The following CST5 variants were observed in gnomAD, a reference collection of about 807,000 sequenced individuals.
CST5 encodes cystatin D, also known as cystatin-D.
CST5 carries 13 observed loss-of-function variants against 11.5 expected under a neutral mutation model. That is an observed-to-expected ratio of 1.13 (90% CI 0.73 to 1.79). The LOEUF is 1.79. Ranked by LOEUF, CST5 falls within the 40% of genes most tolerant of loss-of-function variation. CST5 has a pLI of 0.00. For synonymous variants in CST5, 81 were observed against 67.6 expected (o/e 1.20, Z -0.97); for missense variants, 219 against 174.5 (o/e 1.25, Z -1.44).
Position 23,879,430 on chromosome 20 carries a change from T to G in CST5, c.231+16A>C. ...CAGCTGGGACTCAGGACCCCCAGGG[T>G]GGTGGTAGCACGCACCTGCTGGTAG... On this transcript the variant is annotated intron_variant, in intron 1 of 2. Transcript: ENST00000304710. 6.2e-7 allele frequency: 1 copy of G among 1,606,382 alleles called. No homozygotes were observed. Among genetic ancestry groups the G allele is most frequent in the Non-Finnish European group, 8.5e-7 (1 of 1,173,924 alleles).
rs780990330 is a variant in CST5, at chr20:23,876,173, G to C, written c.*15C>G. The C allele has an allele frequency of 1.2e-6, 2 of 1,603,340 alleles. No individual in the cohort carries two copies. The highest frequency in any genetic ancestry group is 3.3e-5 in the Admixed American group (2 of 59,974). On this transcript the variant is annotated 3_prime_UTR_variant, in exon 3 of 3. Transcript: ENST00000304710. The stretch of plus-strand genomic sequence containing the variant: ...GAGTAGGAGGTGGTCAGTGTGACAG[G>C]CCTTGCACAGACCCCTAGACTTTCC...
chr20:23,877,386 C>A, intron 2 of CST5, 119 bp downstream of exon 2: 4 of 762,026 alleles, frequency 5.2e-6, no homozygotes, highest in Non-Finnish European at 8.9e-6. Context: ...TGCACACATG[C>A]ACACATGCCC....
chr20:23,877,820 G>A (rs1985997814), intron 1 of CST5, among the ~76,000 whole-genome samples: 1 of 152,174 alleles, frequency 6.6e-6, no homozygotes, highest in African/African-American at 2.4e-5. Context: ...TTTTCTCTGG[G>A]TATCTCAAGC....
At chr20:23,878,337 C>A (rs1986007181) in intron 1 of CST5, among the ~76,000 whole-genome samples, 1 of 152,166 alleles carries the variant, frequency 6.6e-6, no homozygotes, top group Non-Finnish European at 1.5e-5. Flanking sequence ...AGGGTTGCAA[C>A]TTCAGAAGAG....
Position 23,876,170 on chromosome 20 carries a change from CA to C in CST5, c.*17del, listed in dbSNP as rs1985956915. On this transcript the variant is annotated 3_prime_UTR_variant, in exon 3 of 3. Coordinates refer to ENST00000304710, the MANE Select transcript of CST5 (RefSeq NM_001900.5). ...TGGGAGTAGGAGGTGGTCAGTGTGA[CA>C]GGCCTTGCACAGACCCCTAGACTTT... The C allele has an allele frequency of 6.2e-7, 1 of 1,600,590 alleles. No individual in the cohort carries two copies. The highest frequency in any genetic ancestry group is 1.1e-5 in the South Asian group (1 of 90,636).
At chr20:23,876,311 C>T in intron 2 of CST5, 40 bp from the exon 3 acceptor site, 1 of 1,515,580 alleles carries the variant, frequency 6.6e-7, no homozygotes. Flanking sequence ...CTGTGGGTTA[C>T]AGTTAAAGCC....
At chr20:23,876,523 C>T (rs757920164) in intron 2 of CST5, among the ~76,000 whole-genome samples, 16 of 152,182 alleles carry the variant, frequency 1.1e-4, no homozygotes, top group Admixed American at 2.0e-4. Context: ...CCTGTCCCAG[C>T]GCAGCCCTAT....
intron 1 of CST5, 152 bp downstream of exon 1, chr20:23,879,294 G>A: frequency 1.4e-6 from 1 of 705,816 alleles, no homozygotes; most frequent in South Asian, 1.6e-5. Context: ...CGGCCAAGGA[G>A]TGTCCTAGGG....
rs1261787271 is a variant in CST5 at position 23,876,260 on chromosome 20, G to A, written c.357C>T (p.Cys119=). 2 of 1,612,476 alleles carry A rather than the reference G, an allele frequency of 1.2e-6. No homozygotes were observed. The highest frequency in any genetic ancestry group is 1.7e-6 in the Non-Finnish European group (2 of 1,178,630). The change falls in exon 3 of 3, where the codon TGC becomes TGT. Residue 119 remains cysteine (C), a synonymous_variant. Coordinates refer to ENST00000304710, the MANE Select transcript of CST5 (RefSeq NM_001900.5). ...DQPKLKEEEF[C]SFQINEVPWE... ...AGGGAACTTCATTGATCTGGAAAGA[G>A]CAGAACTCTTCCTGTGAAAAGAAAG...
chr20:23,877,156 C>T (rs932320252), intron 2 of CST5, among the ~76,000 whole-genome samples: 4 of 151,928 alleles, frequency 2.6e-5, no homozygotes, highest in African/African-American at 9.7e-5. Context: ...CACACACACA[C>T]TCCTGTGCAT....
At chr20:23,876,337 T>C in intron 2 of CST5, 66 bp from the exon 3 acceptor site, 1 of 1,303,582 alleles carries the variant, frequency 7.7e-7, no homozygotes, top group Non-Finnish European at 1.1e-6. Flanking sequence ...TGCCCAGGAA[T>C]GGGACATCAG....
At chr20:23,876,664 G>A (rs921434752) in intron 2 of CST5, among the ~76,000 whole-genome samples, 6 of 152,198 alleles carry the variant, frequency 3.9e-5, no homozygotes, top group African/African-American at 1.2e-4. Context: ...AGAACCCAGG[G>A]AACTGGAAAT....
At position 23,879,724 on chromosome 20, in the gene CST5, G is replaced by T; in HGVS notation, c.-48C>A. On this transcript the variant is annotated 5_prime_UTR_variant, in exon 1 of 3. Transcript: ENST00000304710. ...GGAGCTGGATCTCCCAGAGAGCAAA[G>T]CAGCAGAAGGCTGAGGCAGGAAGCC... The T allele has an allele frequency of 2.6e-6, 4 of 1,567,072 alleles. No homozygotes were observed. The highest frequency in any genetic ancestry group is 3.5e-6 in the Non-Finnish European group (4 of 1,146,658).
In CST5 at chr20:23,876,016, G is replaced by C. The variant is rs1568569012; in HGVS notation, c.*172C>G. ...ATGAGAAGCAAGAAGGAAGGAGCAA[G>C]GGCAGAGCCTCCTGCTGAGCAACAA... is the stretch of plus-strand genomic sequence containing the variant. On this transcript the variant is annotated 3_prime_UTR_variant, in exon 3 of 3. Coordinates refer to ENST00000304710, the MANE Select transcript of CST5 (RefSeq NM_001900.5). 1.8e-6 allele frequency: 1 copy of C among 559,786 alleles called. No homozygotes were observed. Among genetic ancestry groups the C allele is most frequent in the Admixed American group, 3.1e-5 (1 of 32,280 alleles). The allele number at this position is 559,786 out of a possible 1,614,324, so 34.7% of individuals were successfully genotyped here.
chr20:23,879,482 G>A lies in CST5; in HGVS notation c.195C>T (p.Tyr65=), dbSNP rs1410173707. 5 of 1,613,900 alleles carry A rather than the reference G, an allele frequency of 3.1e-6. No individual in the cohort carries two copies. The highest frequency in any genetic ancestry group is 4.2e-6 in the Non-Finnish European group (5 of 1,179,962). Residue 65 remains tyrosine, a synonymous_variant, in exon 1 of 3, where the codon TAC becomes TAT. Coordinates refer to ENST00000304710, the MANE Select transcript of CST5 (RefSeq NM_001900.5). The part of the protein sequence containing the change: ...YNKVINKDEY[Y]SRPLQVMAAY... ...CAGCCATCACCTGCAGAGGGCGGCTGTAGTACTCATCCTTATTAATGACCT... is the reference window on the plus strand; with the variant it reads ...CAGCCATCACCTGCAGAGGGCGGCTATAGTACTCATCCTTATTAATGACCT...
At position 23,877,684 on chromosome 20, in the gene CST5, T is replaced by C; in HGVS notation, c.232-66A>G. 9.9e-6 allele frequency: 13 copies of C among 1,315,990 alleles called. No homozygotes were observed. The South Asian group carries it at 1.7e-4, about 17-fold the overall frequency. The allele number at this position is 1,315,990 out of a possible 1,614,324, so 81.5% of individuals were successfully genotyped here. ...TCAGTTTCATGCACACGCAGGCACT[T>C]CACTGTGACTGAGTCACTGGGCTTG... On this transcript the variant is annotated intron_variant, in intron 1 of 2. Transcript: ENST00000304710.
At chr20:23,876,859 T>C (rs1310592053) in intron 2 of CST5, among the ~76,000 whole-genome samples, 1 of 152,170 alleles carries the variant, frequency 6.6e-6, no homozygotes, top group Non-Finnish European at 1.5e-5. Context: ...TGGCTGTGGC[T>C]GCAGGCAGGT....
chr20:23,879,697 A>C lies in CST5; in HGVS notation c.-21T>G, dbSNP rs1568570305. On this transcript the variant is annotated 5_prime_UTR_variant, in exon 1 of 3. Coordinates refer to ENST00000304710, the MANE Select transcript of CST5 (RefSeq NM_001900.5). ...ATCATGTTCTACTGGGACACAGAGC[A>C]AGGAGCTGGATCTCCCAGAGAGCAA... 3 of 1,604,298 alleles carry C rather than the reference A, an allele frequency of 1.9e-6. No individual in the cohort carries two copies. Among genetic ancestry groups the C allele is most frequent in the Non-Finnish European group, 2.6e-6 (3 of 1,172,700 alleles).
intron 2 of CST5, 85 bp from the exon 3 acceptor site, chr20:23,876,356 T>C: frequency 9.0e-7 from 1 of 1,111,638 alleles, no homozygotes; most frequent in South Asian, 1.3e-5. Context: ...AGAATGGGGG[T>C]GAAAATGGTT....
Sources: allele counts gnomAD v4.1 joint callset (sites outside exome capture counted in the v4.1 genomes callset), GRCh38; gene constraint gnomAD v4.1.1; transcripts MANE v1.5; gene names NCBI Gene and HGNC (gene_info 2026-07-23, HGNC 2026-07-21).